FABP6: variants seen among roughly 807,000 people sequenced by gnomAD.
FABP6 encodes the protein gastrotropin.
FABP6 carries 13 observed loss-of-function variants against 14.9 expected under a neutral mutation model. The observed-to-expected ratio is 0.87, with a 90% CI of 0.57 to 1.39. The LOEUF (loss-of-function observed/expected upper bound fraction) is 1.39. Among genes scored for constraint, FABP6 ranks in the 40% most tolerant of loss-of-function variants. The pLI, the probability that FABP6 is intolerant of heterozygous loss-of-function variation, is 0.00. For synonymous variants in FABP6, 75 were observed against 63.6 expected (o/e 1.18, Z -0.85); for missense variants, 161 against 167.2 (o/e 0.96, Z 0.20).
At chr5:160,192,375 C>A (rs1759412987) in intron 1 of FABP6, among the ~76,000 whole-genome samples, 1 of 152,192 alleles carries the variant, frequency 6.6e-6, no homozygotes, top group Non-Finnish European at 1.5e-5. Context: ...CAGCAGTCAT[C>A]CCTATCTGAC....
chr5:160,227,512 G>A (rs1257888076), upstream of FABP6, among the ~76,000 whole-genome samples: 3 of 134,014 alleles, frequency 2.2e-5, no homozygotes, highest in African/African-American at 8.9e-5. Context: ...GGCAACGGAG[G>A]GAGACTTCAC....
intron 1 of FABP6, among the ~76,000 whole-genome samples, chr5:160,191,604 T>G (rs1260145488): frequency 6.6e-6 from 1 of 152,130 alleles, no homozygotes; most frequent in Non-Finnish European, 1.5e-5. Flanking sequence ...TTTCTCTTTT[T>G]ATTTATTAAA....
intron 1 of FABP6, among the ~76,000 whole-genome samples, chr5:160,187,782 C>T (rs896126485): frequency 2.0e-5 from 3 of 146,924 alleles, no homozygotes; most frequent in African/African-American, 5.0e-5. Context: ...GAGACAGTTT[C>T]GCTCTTGCTG....
At chr5:160,202,623 C>T (rs1303731714) in intron 2 of FABP6, among the ~76,000 whole-genome samples, 2 of 151,782 alleles carry the variant, frequency 1.3e-5, no homozygotes, top group Non-Finnish European at 2.9e-5. Context: ...GGTGAAACCC[C>T]GTCTCTACTA....
intron 2 of FABP6, among the ~76,000 whole-genome samples, chr5:160,199,790 A>C (rs1759597425): frequency 6.6e-6 from 1 of 152,158 alleles, no homozygotes; most frequent in East Asian, 1.9e-4. Flanking sequence ...TCCGCTCACT[A>C]GGGAGTTCAC....
upstream of FABP6, among the ~76,000 whole-genome samples, chr5:160,225,643 AC>A (rs1336329201): frequency 6.7e-6 from 1 of 149,774 alleles, no homozygotes; most frequent in Non-Finnish European, 1.5e-5. Flanking sequence ...TTTGTGATCC[AC>A]CTGCCTCAGC....
intron 3 of FABP6, among the ~76,000 whole-genome samples, chr5:160,236,098 C>G (rs1760509394): frequency 6.6e-6 from 1 of 151,668 alleles, no homozygotes; most frequent in Non-Finnish European, 1.5e-5. Flanking sequence ...TCACTGCAAC[C>G]TCCGCCCTCA....
chr5:160,213,845 GGGTT>G, intron 3 of FABP6: 7 of 1,572,058 alleles, frequency 4.5e-6, no homozygotes, highest in Non-Finnish European at 6.1e-6. Flanking sequence ...AGGGAGGGAA[GGGTT>G]CCTGACGTTT....
chr5:160,237,882 T>A (rs1015447527), intron 3 of FABP6, among the ~76,000 whole-genome samples: 1 of 152,176 alleles, frequency 6.6e-6, no homozygotes, highest in African/African-American at 2.4e-5. Context: ...ATCCAATTCT[T>A]CAGGATTCTG....
intron 2 of FABP6, among the ~76,000 whole-genome samples, chr5:160,233,269 C>T (rs916022583): frequency 3.9e-5 from 6 of 151,998 alleles, no homozygotes; most frequent in East Asian, 2.0e-4. Flanking sequence ...TGTGAGCCAC[C>T]GTGCCCAGCC....
intron 2 of FABP6, among the ~76,000 whole-genome samples, chr5:160,234,113 G>A (rs1760453778): frequency 6.6e-6 from 1 of 152,112 alleles, no homozygotes; most frequent in Non-Finnish European, 1.5e-5. Context: ...CTTTCTTCAT[G>A]GTCCAGAACA....
intron 2 of FABP6, among the ~76,000 whole-genome samples, chr5:160,208,172 A>G (rs755054774): frequency 1.3e-5 from 2 of 152,124 alleles, no homozygotes; most frequent in Non-Finnish European, 2.9e-5. Flanking sequence ...GCTGGGCTCA[A>G]TGGCTCATGC....
At chr5:160,214,628 GACTCAAAGGA>G (rs927485651) in intron 3 of FABP6, among the ~76,000 whole-genome samples, 1 of 151,854 alleles carries the variant, frequency 6.6e-6, no homozygotes, top group Non-Finnish European at 1.5e-5. Context: ...CTTGACTTGT[GACTCAAAGGA>G]CCTTGTCTAC....
chr5:160,189,956 A>C (rs1452157500), intron 1 of FABP6, among the ~76,000 whole-genome samples: 1 of 152,142 alleles, frequency 6.6e-6, no homozygotes, highest in East Asian at 1.9e-4. Flanking sequence ...TAGCTCATTT[A>C]ATTATCTCAG....
chr5:160,202,008 C>T (rs1184015532), intron 2 of FABP6, among the ~76,000 whole-genome samples: 3 of 152,180 alleles, frequency 2.0e-5, no homozygotes, highest in African/African-American at 7.2e-5. Context: ...AGGCGATCTG[C>T]TCGCCTTCAC....
At chr5:160,215,006 C>A (rs759056364) in intron 3 of FABP6, among the ~76,000 whole-genome samples, 1 of 152,158 alleles carries the variant, frequency 6.6e-6, no homozygotes. Flanking sequence ...CCATGGCCAT[C>A]CAGTGGAACT....
chr5:160,218,391 T>G (rs1580913932), intron 3 of FABP6, among the ~76,000 whole-genome samples: 1 of 151,706 alleles, frequency 6.6e-6, no homozygotes, highest in East Asian at 1.9e-4. Flanking sequence ...GTGCCTAGAG[T>G]CTCTGTCTCT....
intron 3 of FABP6, among the ~76,000 whole-genome samples, chr5:160,236,058 C>A (rs1020442773): frequency 2.7e-5 from 4 of 149,664 alleles, no homozygotes; most frequent in African/African-American, 7.4e-5. Flanking sequence ...CTCTGTTGTC[C>A]AGGCTGGAGT....
intron 1 of FABP6, chr5:160,198,265 G>T: frequency 6.6e-6 from 1 of 152,294 alleles, no homozygotes. Flanking sequence ...GTGCAAAGCG[G>T]GAAGAGGAAG....
Sources: allele counts gnomAD v4.1 joint callset (sites outside exome capture counted in the v4.1 genomes callset), GRCh38; gene constraint gnomAD v4.1.1; transcripts MANE v1.5; gene names NCBI Gene and HGNC (gene_info 2026-07-23, HGNC 2026-07-21).